The following PITPNM2 variants were observed in gnomAD, a reference collection of about 807,000 sequenced individuals.
The protein encoded by PITPNM2 is phosphatidylinositol transfer protein membrane associated 2, also known as membrane-associated phosphatidylinositol transfer protein 2.
In PITPNM2, 35 loss-of-function variants were observed where a neutral mutation model predicts 132.2. The ratio of observed to expected loss-of-function variants is 0.26; its 90% CI spans 0.20 to 0.35. The LOEUF is 0.35. Among genes scored for constraint, PITPNM2 ranks in the 10% least tolerant of loss-of-function variants. The pLI, the probability that PITPNM2 is intolerant of heterozygous loss-of-function variation, is 1.00. For synonymous variants in PITPNM2, 738 were observed against 799.2 expected, an observed-to-expected ratio of 0.92 and a Z score of 1.29; for missense variants, 1,332 against 1,912.0, an observed-to-expected ratio of 0.70 and a Z score of 5.66.
intron 3 of PITPNM2, among the ~76,000 whole-genome samples, chr12:123,017,048 A>G (rs2039454861): frequency 6.7e-6 from 1 of 150,020 alleles, no homozygotes; most frequent in African/African-American, 2.5e-5. Flanking sequence ...TCCATCTCAA[A>G]AAAAAAAAAA....
chr12:123,111,308 T>C lies in PITPNM2; in HGVS notation c.-199-820A>G, dbSNP rs914128544. ...AGCCTACAGGGCTCTCCAATGACCATGACAGAGAGGCTGCTTATCTGCTGG... is the reference window on the plus strand; with the variant it reads ...AGCCTACAGGGCTCTCCAATGACCACGACAGAGAGGCTGCTTATCTGCTGG... On this transcript the variant is annotated intron_variant, in intron 1 of 25. Transcript: ENST00000320201. This position sits in a 1 kb window ranked among gnomAD's most constrained non-coding sequence, Gnocchi z 4.1. Among the ~76,000 whole-genome samples, 19 of 152,172 alleles carry C rather than the reference T, an allele frequency of 1.2e-4. No individual in the cohort carries two copies. Among genetic ancestry groups the C allele is most frequent in the African/African-American group, 3.9e-4 (16 of 41,434 alleles).
At chr12:123,141,603 T>C (rs2043508008) in intron 1 of PITPNM2, among the ~76,000 whole-genome samples, 1 of 151,938 alleles carries the variant, frequency 6.6e-6, no homozygotes, top group South Asian at 2.1e-4. Flanking sequence ...GGAGCAGGAA[T>C]CTTAAGCACC....
chr12:123,146,572 C>T (rs1234620973), intron 1 of PITPNM2, among the ~76,000 whole-genome samples: 1 of 149,896 alleles, frequency 6.7e-6, no homozygotes, highest in Non-Finnish European at 1.5e-5. Flanking sequence ...GCAGCCTGGG[C>T]AACAAGAGCG....
intron 1 of PITPNM2, among the ~76,000 whole-genome samples, chr12:123,143,985 C>T (rs1338786044): frequency 6.6e-6 from 1 of 152,198 alleles, no homozygotes; most frequent in Non-Finnish European, 1.5e-5. Flanking sequence ...CCTCACTATC[C>T]ATGGATTCCA....
chr12:123,019,134 T>C lies in PITPNM2; in HGVS notation c.79-5092A>G, dbSNP rs527553303. On this transcript the variant is annotated intron_variant, in intron 3 of 25. Coordinates refer to ENST00000320201, the MANE Select transcript of PITPNM2 (RefSeq NM_020845.3). ...AAAGTGCTCTGGAATTAGGTAGTGG[T>C]GATGGTTGCACAACTCTGTGAATAT... 1.8e-4 allele frequency among the ~76,000 whole-genome samples: 27 copies of C among 152,292 alleles called. No homozygotes were observed. The South Asian group carries it at 4.1e-3, about 23-fold the overall frequency.
At chr12:123,135,123 A>C (rs1202119311) in intron 1 of PITPNM2, among the ~76,000 whole-genome samples, 1 of 152,130 alleles carries the variant, frequency 6.6e-6, no homozygotes, top group Non-Finnish European at 1.5e-5. Flanking sequence ...CCAGCACTTT[A>C]CACATGCTGA....
intron 2 of PITPNM2, among the ~76,000 whole-genome samples, chr12:123,040,786 CT>C (rs1220138092): frequency 1.3e-5 from 2 of 151,586 alleles, no homozygotes; most frequent in African/African-American, 4.9e-5. Flanking sequence ...GAACATGATA[CT>C]TTTTTTAAAA....
chr12:123,142,739 C>G (rs1484858848), intron 1 of PITPNM2, among the ~76,000 whole-genome samples: 2 of 152,186 alleles, frequency 1.3e-5, no homozygotes. Context: ...CGTCTGGCCA[C>G]CCCTGCTGAT....
intron 2 of PITPNM2, chr12:123,092,407 T>C (rs2042292780): frequency 3.3e-5 from 5 of 152,228 alleles, no homozygotes. Flanking sequence ...AAGGACTCCA[T>C]CCTCTGGAAA....
intron 2 of PITPNM2, among the ~76,000 whole-genome samples, chr12:123,057,161 A>G (rs1592979314): frequency 6.6e-6 from 1 of 152,064 alleles, no homozygotes; most frequent in South Asian, 2.1e-4. Flanking sequence ...CGGGTGGATC[A>G]CCTGAGGTTG....
At position 123,048,036 on chromosome 12, in the gene PITPNM2, T is replaced by C. The variant is rs150231543; in HGVS notation, c.-95-13351A>G. Reference sequence around the variant, plus strand: ...ATCACTTGAACCTGGGAGGTGGAGGTTGCAGTGAGCCGAGATTGCACAACT... The same window carrying C: ...ATCACTTGAACCTGGGAGGTGGAGGCTGCAGTGAGCCGAGATTGCACAACT... On this transcript the variant is annotated intron_variant, in intron 2 of 25. Transcript: ENST00000320201. Among the ~76,000 whole-genome samples, 963 of 150,268 alleles carry C rather than the reference T, an allele frequency of 6.4e-3. 12 individuals are homozygous for C. Among genetic ancestry groups the C allele is most frequent in the African/African-American group, 0.023 (930 of 40,776 alleles).
At chr12:123,049,639 C>A (rs1372656874) in intron 2 of PITPNM2, among the ~76,000 whole-genome samples, 1 of 152,086 alleles carries the variant, frequency 6.6e-6, no homozygotes, top group African/African-American at 2.4e-5. Flanking sequence ...CCTCTCCTGC[C>A]CAGTTCAGTC....
In PITPNM2 at chr12:123,030,419, C is replaced by T. The variant is rs148497414; in HGVS notation, c.78+4094G>A. On this transcript the variant is annotated intron_variant, in intron 3 of 25. Coordinates refer to ENST00000320201, the MANE Select transcript of PITPNM2 (RefSeq NM_020845.3). ...TGAAAATAGATACTTGTAGGCCGGG[C>T]GCGGTGGCTCACGCCTGTAATCCCA... 3.9e-4 allele frequency among the ~76,000 whole-genome samples: 60 copies of T among 152,266 alleles called. 1 individual carries two copies. The East Asian group carries it at 0.011, about 29-fold the overall frequency.
At chr12:123,052,028 G>C (rs545825024) in intron 2 of PITPNM2, among the ~76,000 whole-genome samples, 45 of 150,708 alleles carry the variant, frequency 3.0e-4, no homozygotes, top group African/African-American at 1.0e-3. Context: ...TCAGCCTCCC[G>C]GGTAGTTGAG....
At chr12:123,060,284 C>T (rs1339712917) in intron 2 of PITPNM2, among the ~76,000 whole-genome samples, 2 of 152,240 alleles carry the variant, frequency 1.3e-5, no homozygotes, top group Non-Finnish European at 2.9e-5. Flanking sequence ...CTTGCCTTGG[C>T]ACTGGAAGTC....
intron 2 of PITPNM2, among the ~76,000 whole-genome samples, chr12:123,086,844 C>T (rs548568031): frequency 6.6e-6 from 1 of 152,314 alleles, no homozygotes; most frequent in African/African-American, 2.4e-5. Flanking sequence ...CTCTGACTTC[C>T]GGACATGAGC....
chr12:123,009,356 G>T lies in PITPNM2; in HGVS notation c.643+494C>A, dbSNP rs2039079565. ...ACCTACTCTGGCTAGGCTGGTGTGG[G>T]TGTGAAGGCCACTATGATGTCTGAG... On this transcript the variant is annotated intron_variant, in intron 6 of 25. Transcript: ENST00000320201. The surrounding 1 kb of genome is among the most constrained non-coding windows in gnomAD (Gnocchi z 4.8). Among the ~76,000 whole-genome samples, 2 of 152,198 alleles carry T rather than the reference G, an allele frequency of 1.3e-5. No individual in the cohort carries two copies. Among genetic ancestry groups the T allele is most frequent in the South Asian group, 4.1e-4 (2 of 4,836 alleles).
intron 1 of PITPNM2, among the ~76,000 whole-genome samples, chr12:123,147,980 A>C (rs1423842658): frequency 6.6e-6 from 1 of 152,218 alleles, no homozygotes; most frequent in Non-Finnish European, 1.5e-5. Context: ...TCCTGCGGGA[A>C]GGCAAAGTTT....
rs1213830494 is a variant in PITPNM2, at chr12:123,034,273, G to A, written c.78+240C>T. 11 of 514,066 alleles carry A rather than the reference G, an allele frequency of 2.1e-5. No individual in the cohort carries two copies. The East Asian group carries it at 2.6e-4, about 12-fold the overall frequency. 31.8% of individuals were successfully genotyped at this position (514,066 alleles called of 1,614,324 possible). On this transcript the variant is annotated intron_variant, in intron 3 of 25. Coordinates refer to ENST00000320201, the MANE Select transcript of PITPNM2 (RefSeq NM_020845.3). ...GTGCTGAACGCAAGGGCAAGTGTTCGCGTTGTAGGCGGCGGGACACAGTGC... is the reference window on the plus strand; with the variant it reads ...GTGCTGAACGCAAGGGCAAGTGTTCACGTTGTAGGCGGCGGGACACAGTGC...
Sources: allele counts gnomAD v4.1 joint callset (sites outside exome capture counted in the v4.1 genomes callset), GRCh38; gene constraint gnomAD v4.1.1; non-coding constraint Gnocchi (gnomAD v3.1); transcripts MANE v1.5; gene names NCBI Gene and HGNC (gene_info 2026-07-23, HGNC 2026-07-21).